DOCK1: variants seen among roughly 807,000 people sequenced by gnomAD.
DOCK1 encodes the protein dedicator of cytokinesis protein 1.
In DOCK1, 138 loss-of-function variants were observed where a neutral mutation model predicts 262.7. The ratio of observed to expected loss-of-function variants is 0.53; its 90% confidence interval spans 0.46 to 0.61. The LOEUF is 0.61. Among genes scored for constraint, DOCK1 ranks in the 20% least tolerant of loss-of-function variants. The probability of loss-of-function intolerance (pLI) is 0.00; values close to 1 mark genes in which losing one functional copy is unlikely to be tolerated. For synonymous variants in DOCK1, 866 were observed against 867.4 expected, an observed-to-expected ratio of 1.00 and a Z score of 0.03; for missense variants, 1,908 against 2,370.7, an observed-to-expected ratio of 0.80 and a Z score of 4.05.
chr10:127,362,234 G>A (rs368114954), intron 33 of DOCK1, 22 bp downstream of exon 33: 40 of 1,606,998 alleles, frequency 2.5e-5, no homozygotes, highest in South Asian at 6.7e-5. Context: ...GATGTGCAGC[G>A]AGTGGCCGGG....
chr10:126,917,915 C>T (rs1247771455), intron 1 of DOCK1, among the ~76,000 whole-genome samples: 1 of 152,140 alleles, frequency 6.6e-6, no homozygotes, highest in African/African-American at 2.4e-5. Context: ...AGGCAGAACC[C>T]CTAAAGCAGA....
intron 15 of DOCK1, chr10:127,026,065 A>AAAAAAAAAG: frequency 3.4e-6 from 1 of 295,850 alleles, no homozygotes; most frequent in South Asian, 3.3e-5. Context: ...GTATCAAAAA[A>AAAAAAAAAG]AAAAAAAGAA....
chr10:127,285,092 C>A (rs537773990), intron 29 of DOCK1, among the ~76,000 whole-genome samples: 1 of 152,104 alleles, frequency 6.6e-6, no homozygotes, highest in Admixed American at 6.5e-5. Flanking sequence ...GAGTCGTGAT[C>A]GTGCCACTGC....
intron 29 of DOCK1, among the ~76,000 whole-genome samples, chr10:127,299,143 G>A (rs1435830651): frequency 6.6e-6 from 1 of 152,150 alleles, no homozygotes; most frequent in Non-Finnish European, 1.5e-5. Flanking sequence ...CTGTCACTCA[G>A]GCTGGAGTAC....
chr10:127,424,317 A>C (rs1412536332), intron 46 of DOCK1, among the ~76,000 whole-genome samples: 1 of 152,190 alleles, frequency 6.6e-6, no homozygotes, highest in Non-Finnish European at 1.5e-5. Flanking sequence ...CCTAAACCAA[A>C]AGGTCTTAAC....
Position 127,219,889 on chromosome 10 carries a change from A to G in DOCK1, c.2848-28119A>G, listed in dbSNP as rs561944954. 2.4e-3 allele frequency among the ~76,000 whole-genome samples: 360 copies of G among 152,286 alleles called. 2 individuals carry two copies. The highest frequency in any genetic ancestry group is 8.2e-3 in the African/African-American group (342 of 41,568). Reference sequence around the variant, plus strand: ...CCCAGCCCACATCTTCAGCAGGTGCAGAATGTCTCTTAGTGTTGACTTACA... The same window carrying G: ...CCCAGCCCACATCTTCAGCAGGTGCGGAATGTCTCTTAGTGTTGACTTACA... On this transcript the variant is annotated intron_variant, in intron 27 of 51. Coordinates refer to ENST00000623213, the MANE Select transcript of DOCK1 (RefSeq NM_001290223.2).
At chr10:127,163,882 T>G (rs1203392880) in intron 27 of DOCK1, among the ~76,000 whole-genome samples, 1 of 151,688 alleles carries the variant, frequency 6.6e-6, no homozygotes, top group African/African-American at 2.4e-5. Context: ...TCAGTGGCTT[T>G]CTTTCGATGG....
At chr10:127,362,846 C>CACACACAT (rs2064578087) in intron 33 of DOCK1, among the ~76,000 whole-genome samples, 4 of 1,906 alleles carry the variant, frequency 2.1e-3, no homozygotes, top group Non-Finnish European at 4.8e-3. Context: ...TACACACACA[C>CACACACAT]ACACACATGT....
intron 4 of DOCK1, among the ~76,000 whole-genome samples, chr10:126,986,119 C>T (rs1313780691): frequency 3.3e-5 from 5 of 152,156 alleles, no homozygotes; most frequent in African/African-American, 9.7e-5. Flanking sequence ...GCTGAGATTA[C>T]AGGCGTGAGC....
intron 23 of DOCK1, among the ~76,000 whole-genome samples, chr10:127,098,634 C>T (rs1309750394): frequency 1.3e-5 from 2 of 152,104 alleles, no homozygotes; most frequent in Admixed American, 1.3e-4. Context: ...TGGAGGAGCC[C>T]GGACAGCACC....
intron 23 of DOCK1, among the ~76,000 whole-genome samples, chr10:127,089,911 C>T (rs977345232): frequency 6.6e-6 from 1 of 151,414 alleles, no homozygotes. Flanking sequence ...AATTCCCTGT[C>T]CTACATATCT....
intron 1 of DOCK1, among the ~76,000 whole-genome samples, chr10:126,938,530 GT>G (rs2034711862): frequency 6.6e-6 from 1 of 152,142 alleles, no homozygotes; most frequent in African/African-American, 2.4e-5. Context: ...TACGGCAGCT[GT>G]TTTGATTGAC....
intron 29 of DOCK1, among the ~76,000 whole-genome samples, chr10:127,261,635 G>GTGGGTGTGCA (rs2060127722): frequency 1.3e-5 from 1 of 79,820 alleles, no homozygotes; most frequent in Non-Finnish European, 2.6e-5. Flanking sequence ...GTGTGTGCAT[G>GTGGGTGTGCA]TGTACCTGCA....
chr10:127,361,966 A>G (rs552207042), intron 32 of DOCK1, 98 bp from the exon 33 acceptor site: 2 of 1,330,462 alleles, frequency 1.5e-6, no homozygotes, highest in East Asian at 2.5e-5. Flanking sequence ...CTGCTGCTCA[A>G]AGTCACAGTG....
chr10:127,374,087 A>G lies in DOCK1; in HGVS notation c.3548A>G (p.Tyr1183Cys), dbSNP rs1295063969. 6.2e-7 allele frequency: 1 copy of G among 1,613,002 alleles called. No individual in the cohort carries two copies. The highest frequency in any genetic ancestry group is 2.2e-5 in the East Asian group (1 of 44,876). The change falls in exon 35 of 52, where the codon TAC becomes TGC. Residue 1183 changes from tyrosine to cysteine, a missense_variant. Around this residue, in one of 9 missense-constraint regions of DOCK1, gnomAD observed 518 missense variants for 575.1 expected, o/e 0.90. Transcript: ENST00000623213. Reference protein sequence around the residue: ...ILLEHCRKHKYLAKTGETFVK... With the variant: ...ILLEHCRKHKCLAKTGETFVK... Reference sequence around the variant, plus strand: ...CTGGAACACTGCAGGAAGCACAAATACCTCGCCAAAACAGGAGAAACTTTT... The same window carrying G: ...CTGGAACACTGCAGGAAGCACAAATGCCTCGCCAAAACAGGAGAAACTTTT...
rs1247472156 is a variant in DOCK1, at chr10:127,015,642, C to T, written c.1202-3068C>T. 2.6e-5 allele frequency among the ~76,000 whole-genome samples: 4 copies of T among 152,290 alleles called. No individual in the cohort carries two copies. In the East Asian group the frequency reaches 7.7e-4, roughly 29 times the overall value. On this transcript the variant is annotated intron_variant, in intron 12 of 51. Transcript: ENST00000623213. ...ACCGTCTCTGTAAGCTGCGCCTCCTCCTACCCCAACTCCCCGTGGTTCTGC... is the reference window on the plus strand; with the variant it reads ...ACCGTCTCTGTAAGCTGCGCCTCCTTCTACCCCAACTCCCCGTGGTTCTGC...
chr10:127,014,713 AG>A (rs2041728044), intron 12 of DOCK1: 2 of 152,294 alleles, frequency 1.3e-5, no homozygotes, highest in Admixed American at 1.3e-4. Context: ...CTGGTGTCCC[AG>A]GGAAGACCAG....
intron 43 of DOCK1, among the ~76,000 whole-genome samples, chr10:127,414,017 T>C (rs1345712138): frequency 2.0e-5 from 3 of 152,126 alleles, no homozygotes; most frequent in Non-Finnish European, 4.4e-5. Flanking sequence ...GTTCAAGCGA[T>C]TCTCATGCCT....
intron 29 of DOCK1, among the ~76,000 whole-genome samples, chr10:127,321,539 C>T (rs2135569868): frequency 6.6e-6 from 1 of 151,670 alleles, no homozygotes; most frequent in South Asian, 2.1e-4. Context: ...AACTCTTGAC[C>T]TTCACCTGAT....
Sources: allele counts gnomAD v4.1 joint callset (sites outside exome capture counted in the v4.1 genomes callset), GRCh38; gene constraint gnomAD v4.1.1; regional missense constraint gnomAD v4.1.1; transcripts MANE v1.5; gene names NCBI Gene and HGNC (gene_info 2026-07-23, HGNC 2026-07-21).